ADCY3: variants seen among roughly 807,000 people sequenced by gnomAD.
The protein encoded by ADCY3 is adenylate cyclase type 3.
A neutral mutation model predicts 119.4 loss-of-function variants in ADCY3; 70 were observed. The observed-to-expected ratio is 0.59, with a 90% confidence interval of 0.48 to 0.72. ADCY3 has a LOEUF of 0.72. Ranked by LOEUF, ADCY3 falls within the 30% of genes least tolerant of loss-of-function variation. The pLI is 0.00. For missense variants in ADCY3, 1,238 were observed against 1,541.6 expected (o/e 0.80, Z 3.30); for synonymous variants, 672 against 621.4 (o/e 1.08, Z -1.21).
chr2:24,869,168 GA>G (rs1438011404), intron 3 of ADCY3, among the ~76,000 whole-genome samples: 2 of 151,570 alleles, frequency 1.3e-5, no homozygotes, highest in South Asian at 4.2e-4. Context: ...CTTCAGTAAT[GA>G]AAAAAAGGAA....
chr2:24,826,374 GC>G, intron 15 of ADCY3: 1 of 466,514 alleles, frequency 2.1e-6, no homozygotes, highest in East Asian at 3.8e-5. Flanking sequence ...CATCAGGGCT[GC>G]TCCCCAGGTA....
At position 24,834,934 on chromosome 2, in the gene ADCY3, G is replaced by C. The variant is rs150893710; in HGVS notation, c.1665C>G (p.Ala555=). The stretch of plus-strand genomic sequence containing the variant: ...GTGGGTTGGGGAATGAGGGGTTGTC[G>C]GCCTGTGAGCCAGGGAGGCAGCGTG... ...SEKPEEQDAQ[A]DNPSFPNPRR... is the part of the protein sequence containing the mutation. The change falls in exon 10 of 22, where the codon GCC becomes GCG. Residue 555 remains alanine (A), a splice_region_variant and synonymous_variant. Transcript: ENST00000679454. This position sits in a 1 kb window ranked among gnomAD's most constrained non-coding sequence, Gnocchi z 4.2. 1 of 1,613,074 alleles carries C rather than the reference G, an allele frequency of 6.2e-7. No homozygotes were observed. Among genetic ancestry groups the C allele is most frequent in the Admixed American group, 1.7e-5 (1 of 59,962 alleles).
At chr2:24,844,453 G>A (rs963380756) in intron 3 of ADCY3, among the ~76,000 whole-genome samples, 2 of 152,108 alleles carry the variant, frequency 1.3e-5, no homozygotes, top group Non-Finnish European at 2.9e-5. Flanking sequence ...GGGCAGGGGG[G>A]CACCATGCAA....
intron 3 of ADCY3, among the ~76,000 whole-genome samples, chr2:24,848,056 A>G (rs967141280): frequency 6.6e-6 from 1 of 152,208 alleles, no homozygotes. Context: ...CTGTGGCTAT[A>G]AGGTGTTGGG....
rs769402907 is a variant in ADCY3 at position 24,878,244 on chromosome 2, C to T, written c.676-5525G>A. Among the ~76,000 whole-genome samples, 9 of 152,126 alleles carry T rather than the reference C, an allele frequency of 5.9e-5. No individual in the cohort carries two copies. The highest frequency in any genetic ancestry group is 2.2e-4 in the African/African-American group (9 of 41,418). ...GCCTGATAAAGTGTTTCTAATATCC[C>T]GGCTCAGAACGCAACCATGAGAACA... On this transcript the variant is annotated intron_variant, in intron 2 of 21. Coordinates refer to ENST00000679454, the MANE Select transcript of ADCY3 (RefSeq NM_004036.5). The surrounding 1 kb of genome is among the most constrained non-coding windows in gnomAD (Gnocchi z 4.0).
At chr2:24,883,167 G>C (rs1676608754) in intron 2 of ADCY3, among the ~76,000 whole-genome samples, 1 of 152,090 alleles carries the variant, frequency 6.6e-6, no homozygotes, top group Non-Finnish European at 1.5e-5. Flanking sequence ...GGCCAATATA[G>C]TGAAACCCCG....
chr2:24,861,878 A>G (rs1673703827), intron 3 of ADCY3, among the ~76,000 whole-genome samples: 1 of 152,186 alleles, frequency 6.6e-6, no homozygotes, highest in Non-Finnish European at 1.5e-5. Context: ...TGGAGCCCCA[A>G]AGGGCTTCAT....
At chr2:24,879,347 G>A (rs1254301151) in intron 2 of ADCY3, among the ~76,000 whole-genome samples, 3 of 151,702 alleles carry the variant, frequency 2.0e-5, no homozygotes, top group African/African-American at 7.3e-5. Flanking sequence ...GTGGTGGGCA[G>A]GAGGCTGAGG....
At chr2:24,871,548 C>T (rs149502483) in intron 3 of ADCY3, among the ~76,000 whole-genome samples, 76 of 152,322 alleles carry the variant, frequency 5.0e-4, no homozygotes, top group South Asian at 1.0e-3. Flanking sequence ...GAGTGAGGCC[C>T]GACGGTGGGG....
At chr2:24,904,858 C>G (rs1460954843) in intron 2 of ADCY3, among the ~76,000 whole-genome samples, 1 of 152,054 alleles carries the variant, frequency 6.6e-6, no homozygotes, top group African/African-American at 2.4e-5. Flanking sequence ...CCAGGCTGGT[C>G]TTGAACTCCT....
rs969533905 is a variant in ADCY3, at chr2:24,834,054, TAG to T, written c.1967+429_1967+430del. Among the ~76,000 whole-genome samples the T allele has an allele frequency of 6.6e-6, 1 of 152,234 alleles. No homozygotes were observed. Among genetic ancestry groups the T allele is most frequent in the African/African-American group, 2.4e-5 (1 of 41,466 alleles). ...TGCCCTGGAGGACCTACTGCTGCGT[TAG>T]AGAGGGCGTCAGTCTGTGCCCACAG... is the stretch of plus-strand genomic sequence containing the variant. On this transcript the variant is annotated intron_variant, in intron 11 of 21. Coordinates refer to ENST00000679454, the MANE Select transcript of ADCY3 (RefSeq NM_004036.5). This position sits in a 1 kb window ranked among gnomAD's most constrained non-coding sequence, Gnocchi z 4.2.
chr2:24,822,201 T>G (rs1667845388), intron 19 of ADCY3: 1 of 240,462 alleles, frequency 4.2e-6, no homozygotes, highest in Non-Finnish European at 8.0e-6. Flanking sequence ...AGGCCATGCT[T>G]TCAGTTTCCC....
At chr2:24,839,730 C>T (rs574538299) in intron 7 of ADCY3, 143 bp downstream of exon 7, 23 of 1,236,658 alleles carry the variant, frequency 1.9e-5, no homozygotes, top group South Asian at 1.4e-4. Flanking sequence ...AGGACCAGGG[C>T]GAGACAGGAG....
At position 24,834,983 on chromosome 2, in the gene ADCY3, G is replaced by A. The variant is rs749380793; in HGVS notation, c.1663-47C>T. 18 of 1,591,484 alleles carry A rather than the reference G, an allele frequency of 1.1e-5. No individual in the cohort carries two copies. The highest frequency in any genetic ancestry group is 1.7e-5 in the Admixed American group (1 of 59,054). On this transcript the variant is annotated intron_variant, in intron 9 of 21. Coordinates refer to ENST00000679454, the MANE Select transcript of ADCY3 (RefSeq NM_004036.5). This position sits in a 1 kb window ranked among gnomAD's most constrained non-coding sequence, Gnocchi z 4.2. The stretch of plus-strand genomic sequence containing the variant: ...TGAGTGGGGCAGATGGGACAGAGTG[G>A]TGGGGAAGAGCTGGGAAAGACAGAG...
rs1014914682 is a variant in ADCY3, at chr2:24,841,692, G to A, written c.957-25C>T. On this transcript the variant is annotated intron_variant, in intron 4 of 21. Coordinates refer to ENST00000679454, the MANE Select transcript of ADCY3 (RefSeq NM_004036.5). This position sits in a 1 kb window ranked among gnomAD's most constrained non-coding sequence, Gnocchi z 5.8. ...GCTGCATGAGGAAGGAACCGTGGGG[G>A]TGACGCTCCAGGCAGCCAGGTGTAC... 1.9e-6 allele frequency: 3 copies of A among 1,590,782 alleles called. No individual in the cohort carries two copies. Among genetic ancestry groups the A allele is most frequent in the African/African-American group, 2.7e-5 (2 of 74,462 alleles).
intron 2 of ADCY3, among the ~76,000 whole-genome samples, chr2:24,876,634 T>A (rs1027090347): frequency 3.3e-5 from 5 of 152,140 alleles, no homozygotes; most frequent in Non-Finnish European, 5.9e-5. Context: ...CGTGACATCG[T>A]CCCTGTCCCC....
chr2:24,906,310 AAAAT>A (rs1252246022), intron 2 of ADCY3, among the ~76,000 whole-genome samples: 1 of 152,196 alleles, frequency 6.6e-6, no homozygotes, highest in Non-Finnish European at 1.5e-5. Context: ...GTTTAAAAAA[AAAAT>A]AAAAAGAACC....
At chr2:24,870,940 C>G (rs760238041) in intron 3 of ADCY3, among the ~76,000 whole-genome samples, 1 of 152,144 alleles carries the variant, frequency 6.6e-6, no homozygotes, top group Admixed American at 6.5e-5. Flanking sequence ...ATTATCTACA[C>G]GAGAACAGCC....
At chr2:24,850,319 C>T (rs1013919913) in intron 3 of ADCY3, among the ~76,000 whole-genome samples, 1 of 152,162 alleles carries the variant, frequency 6.6e-6, no homozygotes, top group African/African-American at 2.4e-5. Flanking sequence ...TAGAAAAATG[C>T]TCATACACAC....
Sources: allele counts gnomAD v4.1 joint callset (sites outside exome capture counted in the v4.1 genomes callset), GRCh38; gene constraint gnomAD v4.1.1; non-coding constraint Gnocchi (gnomAD v3.1); transcripts MANE v1.5; gene names NCBI Gene and HGNC (gene_info 2026-07-23, HGNC 2026-07-21).